STX8: variants seen among roughly 807,000 people sequenced by gnomAD.
STX8 encodes the protein syntaxin-8.
Under a neutral mutation model 37.5 loss-of-function variants are expected in STX8, and 23 were observed. The ratio of observed to expected loss-of-function variants is 0.61; its 90% CI spans 0.44 to 0.87. STX8 has a LOEUF of 0.87. Among genes scored for constraint, STX8 ranks in the 40% least tolerant of loss-of-function variants. STX8 has a pLI of 0.00. For synonymous variants in STX8, 115 were observed against 99.1 expected, an observed-to-expected ratio of 1.16 and a Z score of -0.95; for missense variants, 313 against 284.7, an observed-to-expected ratio of 1.10 and a Z score of -0.71.
intron 7 of STX8, among the ~76,000 whole-genome samples, chr17:9,291,486 A>G (rs573780534): frequency 2.0e-5 from 3 of 151,988 alleles, no homozygotes; most frequent in South Asian, 4.1e-4. Flanking sequence ...TTCCTATTAA[A>G]TACTTCCATT....
chr17:9,390,479 G>A (rs561635004), intron 6 of STX8, among the ~76,000 whole-genome samples: 17 of 150,426 alleles, frequency 1.1e-4, no homozygotes, highest in African/African-American at 3.4e-4. Context: ...CTGAGATCGC[G>A]CCATTGCACT....
chr17:9,505,524 G>A (rs1904790598), intron 4 of STX8, among the ~76,000 whole-genome samples: 1 of 152,158 alleles, frequency 6.6e-6, no homozygotes, highest in African/African-American at 2.4e-5. Flanking sequence ...TTAGGACAAA[G>A]TTTGTCTCAG....
chr17:9,456,835 T>C (rs1248070531), intron 6 of STX8, among the ~76,000 whole-genome samples: 2 of 152,202 alleles, frequency 1.3e-5, no homozygotes, highest in Admixed American at 6.5e-5. Flanking sequence ...TCTAAGTTAT[T>C]ACACTTACTA....
chr17:9,542,009 T>C (rs1009098613), intron 4 of STX8, among the ~76,000 whole-genome samples: 1 of 152,042 alleles, frequency 6.6e-6, no homozygotes. Context: ...TTTGTATTTT[T>C]TTTTTTTTTT....
intron 6 of STX8, among the ~76,000 whole-genome samples, chr17:9,392,416 T>G (rs1912254480): frequency 6.6e-6 from 1 of 152,156 alleles, no homozygotes; most frequent in South Asian, 2.1e-4. Context: ...AAGATCAGTC[T>G]GGACAACATA....
chr17:9,567,213 T>C (rs1907497757), intron 2 of STX8, among the ~76,000 whole-genome samples: 1 of 152,154 alleles, frequency 6.6e-6, no homozygotes, highest in Non-Finnish European at 1.5e-5. Context: ...GCTTCATACC[T>C]GGGTGACAAA....
chr17:9,408,883 G>A (rs1912887374), intron 6 of STX8, among the ~76,000 whole-genome samples: 1 of 152,088 alleles, frequency 6.6e-6, no homozygotes, highest in South Asian at 2.1e-4. Context: ...TGCAGGTCCA[G>A]GAGAACTGGG....
At chr17:9,363,512 C>T (rs1911132389) in intron 7 of STX8, among the ~76,000 whole-genome samples, 1 of 152,140 alleles carries the variant, frequency 6.6e-6, no homozygotes, top group Non-Finnish European at 1.5e-5. Context: ...AAGTCTGTCC[C>T]AGGACAACTG....
intron 7 of STX8, among the ~76,000 whole-genome samples, chr17:9,286,524 G>A (rs1042599812): frequency 6.6e-6 from 1 of 152,162 alleles, no homozygotes; most frequent in Non-Finnish European, 1.5e-5. Flanking sequence ...GCTCTGCAGC[G>A]ATATTTCACC....
At chr17:9,379,462 A>T (rs186444555) in intron 6 of STX8, among the ~76,000 whole-genome samples, 21 of 152,320 alleles carry the variant, frequency 1.4e-4, no homozygotes, top group Admixed American at 1.2e-3. Context: ...AGTACAATGT[A>T]ATTCCAACTG....
At chr17:9,314,110 G>A (rs1250205258) in intron 7 of STX8, among the ~76,000 whole-genome samples, 1 of 152,128 alleles carries the variant, frequency 6.6e-6, no homozygotes, top group Non-Finnish European at 1.5e-5. Flanking sequence ...ATGATCTACT[G>A]ACTTCTGTAT....
At chr17:9,331,151 T>TA (rs1159595720) in intron 7 of STX8, among the ~76,000 whole-genome samples, 1 of 152,172 alleles carries the variant, frequency 6.6e-6, no homozygotes, top group Non-Finnish European at 1.5e-5. Flanking sequence ...AAGAGCTCTT[T>TA]AACTGGTTTA....
chr17:9,444,153 C>CTCTCTT (rs763107801), intron 6 of STX8, among the ~76,000 whole-genome samples: 2 of 143,660 alleles, frequency 1.4e-5, no homozygotes, highest in Non-Finnish European at 3.2e-5. Context: ...TTCTCTCTTT[C>CTCTCTT]TCTCTCTCTC....
chr17:9,376,664 A>G (rs985677363), intron 7 of STX8, among the ~76,000 whole-genome samples: 5 of 152,244 alleles, frequency 3.3e-5, no homozygotes, highest in Non-Finnish European at 5.9e-5. Context: ...GTGAGCAGTA[A>G]CACCGGCTGC....
intron 6 of STX8, among the ~76,000 whole-genome samples, chr17:9,421,438 T>C (rs1391239365): frequency 1.4e-5 from 2 of 141,170 alleles, no homozygotes; most frequent in Non-Finnish European, 3.1e-5. Flanking sequence ...TTGCAGATTA[T>C]ATAGGCCAGA....
chr17:9,391,262 C>G (rs575095361), intron 6 of STX8, among the ~76,000 whole-genome samples: 2 of 147,662 alleles, frequency 1.4e-5, no homozygotes, highest in South Asian at 4.3e-4. Flanking sequence ...GAGACCAGCC[C>G]GGCCAACATG....
rs1051161139 is a variant in STX8, at chr17:9,257,924, G to A, written c.644-7279C>T. On this transcript the variant is annotated intron_variant, in intron 7 of 7. Transcript: ENST00000306357. ...GAATCACTTGAACCCGGGAGGAGGAGGTTGCGGTGAGCTGAGATTGCGCCA... is the reference window on the plus strand; with the variant it reads ...GAATCACTTGAACCCGGGAGGAGGAAGTTGCGGTGAGCTGAGATTGCGCCA... Among the ~76,000 whole-genome samples, 9 of 152,334 alleles carry A rather than the reference G, an allele frequency of 5.9e-5. No individual in the cohort carries two copies. In the South Asian group the frequency reaches 1.9e-3, roughly 32 times the overall value.
chr17:9,285,596 C>G (rs1021337400), intron 7 of STX8, among the ~76,000 whole-genome samples: 5 of 152,142 alleles, frequency 3.3e-5, no homozygotes, highest in African/African-American at 1.2e-4. Flanking sequence ...CCCATCTGTT[C>G]CTGCATGGGG....
intron 7 of STX8, among the ~76,000 whole-genome samples, chr17:9,253,231 T>TGC (rs1906657906): frequency 6.6e-6 from 1 of 151,726 alleles, no homozygotes. Context: ...TGTGTGTGTG[T>TGC]GTGTGTGTGT....
Sources: allele counts gnomAD v4.1 joint callset (sites outside exome capture counted in the v4.1 genomes callset), GRCh38; gene constraint gnomAD v4.1.1; transcripts MANE v1.5; gene names NCBI Gene and HGNC (gene_info 2026-07-23, HGNC 2026-07-21).